Variants in OR51B5 observed in about 807,000 individuals in gnomAD.
OR51B5 encodes the protein olfactory receptor family 51 subfamily B member 5.
For missense variants in OR51B5, 456 were observed against 374.6 expected, an observed-to-expected ratio of 1.22 and a Z score of -1.79; for synonymous variants, 186 against 144.8, an observed-to-expected ratio of 1.28 and a Z score of -2.04.
chr11:5,422,279 A>G lies in OR51B5; in HGVS notation n.85-75369T>C, dbSNP rs372666207. On this transcript the variant is annotated intron_variant and non_coding_transcript_variant, in intron 1 of 4. Transcript: ENST00000415970. ...CATCCCTGGATTTGAGGCCTCCCAC[A>G]TCTGGATCTCCATCCCCGTCTGCTG... 1.2e-5 allele frequency: 19 copies of G among 1,613,926 alleles called. No homozygotes were observed. In the African/African-American group the frequency reaches 2.3e-4, roughly 19 times the overall value.
At chr11:5,475,640 A>T (rs189011115) in intron 1 of OR51B5, among the ~76,000 whole-genome samples, 1 of 152,232 alleles carries the variant, frequency 6.6e-6, no homozygotes, top group Admixed American at 6.5e-5. Flanking sequence ...ATGATCTAAC[A>T]TAAATGGAAA....
chr11:5,423,269 C>G, intron 1 of OR51B5: 20 of 1,343,514 alleles, frequency 1.5e-5, no homozygotes, highest in Non-Finnish European at 1.9e-5. Context: ...GGCAGTATGA[C>G]AAGTCCCTGG....
At chr11:5,391,777 G>C (rs964884713) in intron 1 of OR51B5, 2 of 7,574 alleles carry the variant, frequency 2.6e-4, no homozygotes, top group Non-Finnish European at 8.9e-4. Flanking sequence ...TATAATCCCA[G>C]CACTTTGGGA....
At chr11:5,418,329 G>A (rs182705131) in intron 1 of OR51B5, among the ~76,000 whole-genome samples, 9,978 of 151,882 alleles carry the variant, frequency 0.066, 373 homozygotes, top group South Asian at 0.093. Context: ...TGGGTGCAGC[G>A]CACCAGCATG....
chr11:5,371,292 C>A (rs1316980838), intron 1 of OR51B5, among the ~76,000 whole-genome samples: 1 of 152,056 alleles, frequency 6.6e-6, no homozygotes. Context: ...TTTTAAAACT[C>A]AAACACAGAA....
intron 1 of OR51B5, chr11:5,488,656 G>T: frequency 8.3e-7 from 1 of 1,206,664 alleles, no homozygotes; most frequent in Non-Finnish European, 1.2e-6. Flanking sequence ...TGATGTTACA[G>T]GGCAAGCATA....
intron 1 of OR51B5, among the ~76,000 whole-genome samples, chr11:5,415,197 G>C (rs1264742385): frequency 3.3e-5 from 5 of 151,662 alleles, no homozygotes; most frequent in African/African-American, 1.2e-4. Context: ...ACGAAATGAA[G>C]GCAGAAATAA....
intron 1 of OR51B5, chr11:5,453,950 C>A (rs1312750353): frequency 1.2e-6 from 2 of 1,614,012 alleles, no homozygotes; most frequent in African/African-American, 2.7e-5. Flanking sequence ...GAAGCTTCAT[C>A]ACCCTTTTCC....
intron 1 of OR51B5, among the ~76,000 whole-genome samples, chr11:5,457,504 G>T (rs551852410): frequency 2.5e-4 from 38 of 152,126 alleles, no homozygotes; most frequent in African/African-American, 9.2e-4. Flanking sequence ...TAGGATTTTG[G>T]GGTCAATGGG....
chr11:5,370,795 GA>G (rs1217734888), intron 1 of OR51B5, among the ~76,000 whole-genome samples: 1 of 152,040 alleles, frequency 6.6e-6, no homozygotes, highest in Non-Finnish European at 1.5e-5. Flanking sequence ...ATGAAAGAAA[GA>G]AAAAATTTGA....
chr11:5,427,652 T>C (rs1850470004), intron 1 of OR51B5, among the ~76,000 whole-genome samples: 1 of 152,182 alleles, frequency 6.6e-6, no homozygotes, highest in Non-Finnish European at 1.5e-5. Flanking sequence ...CTGAATATCT[T>C]TGGAAATAAT....
At chr11:5,424,245 G>A (rs998452809) in intron 1 of OR51B5, among the ~76,000 whole-genome samples, 1 of 152,116 alleles carries the variant, frequency 6.6e-6, no homozygotes, top group African/African-American at 2.4e-5. Flanking sequence ...CGCTAAAACT[G>A]AGCTCTTGTC....
intron 1 of OR51B5, chr11:5,403,107 C>G: frequency 2.1e-6 from 1 of 471,564 alleles, no homozygotes; most frequent in Non-Finnish European, 4.4e-6. Context: ...GGCGTCTGCC[C>G]TTCTGTGGCC....
intron 1 of OR51B5, among the ~76,000 whole-genome samples, chr11:5,360,828 C>A (rs1039942938): frequency 2.3e-4 from 35 of 150,344 alleles, no homozygotes; most frequent in African/African-American, 8.1e-4. Context: ...ATGAAGAGTT[C>A]ATGTCCTTTG....
At chr11:5,429,404 C>T (rs1222580357) in intron 1 of OR51B5, among the ~76,000 whole-genome samples, 1 of 152,108 alleles carries the variant, frequency 6.6e-6, no homozygotes, top group African/African-American at 2.4e-5. Context: ...AAAGACAACC[C>T]TTGTAAGCTG....
At chr11:5,420,577 TAC>T (rs1850317870) in intron 1 of OR51B5, among the ~76,000 whole-genome samples, 1 of 152,056 alleles carries the variant, frequency 6.6e-6, no homozygotes, top group Admixed American at 6.5e-5. Context: ...CATTTTTTGC[TAC>T]AGAGAAAATT....
At chr11:5,440,462 A>G in intron 1 of OR51B5, 1 of 682,676 alleles carries the variant, frequency 1.5e-6, no homozygotes, top group Non-Finnish European at 2.5e-6. Flanking sequence ...TGATACATTC[A>G]CTACTATCAA....
intron 1 of OR51B5, among the ~76,000 whole-genome samples, chr11:5,429,616 C>CA (rs1850505564): frequency 6.6e-6 from 1 of 152,000 alleles, no homozygotes; most frequent in Non-Finnish European, 1.5e-5. Flanking sequence ...GAAGCCTAGG[C>CA]AAACATGGGC....
In OR51B5 at chr11:5,418,717, C is replaced by T. The variant is rs558684762; in HGVS notation, n.85-71807G>A. Among the ~76,000 whole-genome samples the T allele has an allele frequency of 2.0e-5, 3 of 149,814 alleles. No homozygotes were observed. In the South Asian group the frequency reaches 6.4e-4, roughly 32 times the overall value. On this transcript the variant is annotated intron_variant and non_coding_transcript_variant, in intron 1 of 4. Transcript: ENST00000415970. ...CACAGCGAGGGGAGCATCACACACC[C>T]GAGCCTATCGGGGGATGGGGGGTTA...
Sources: gnomAD v4.1 joint callset for allele counts (sites outside exome capture counted in the v4.1 genomes callset) on GRCh38, gnomAD v4.1.1 for gene constraint, MANE v1.5 for transcripts, NCBI Gene and HGNC (gene_info 2026-07-23, HGNC 2026-07-21) for gene names.